The following PRDM1 variants were observed in gnomAD, a reference collection of about 807,000 sequenced individuals.
PRDM1 encodes the protein PR/SET domain 1.
PRDM1 carries 13 observed loss-of-function variants against 62.8 expected under a neutral mutation model. The ratio of observed to expected loss-of-function variants is 0.21; its 90% CI spans 0.13 to 0.33. The LOEUF (loss-of-function observed/expected upper bound fraction) is 0.33, where lower values mean the gene tolerates loss of function less well. PRDM1 is among the 10% of genes least tolerant of loss of function. The pLI is 1.00. For missense variants in PRDM1, 895 were observed against 1,058.8 expected, an observed-to-expected ratio of 0.85 and a Z score of 2.15; for synonymous variants, 396 against 417.6, an observed-to-expected ratio of 0.95 and a Z score of 0.63.
intron 4 of PRDM1, chr6:106,100,579 C>T (rs1774238207): frequency 6.6e-6 from 1 of 152,186 alleles, no homozygotes; most frequent in Admixed American, 6.5e-5. Flanking sequence ...GAATAAATAT[C>T]AATGTTAACA....
intron 4 of PRDM1, 28 bp downstream of exon 4, chr6:106,099,580 A>C: frequency 6.2e-7 from 1 of 1,610,708 alleles, no homozygotes; most frequent in Non-Finnish European, 8.5e-7. Context: ...CAAAAAAATA[A>C]AAAATGCCAG....
At chr6:106,104,462 C>T (rs1313390988) in intron 4 of PRDM1, among the ~76,000 whole-genome samples, 10 of 152,202 alleles carry the variant, frequency 6.6e-5, no homozygotes, top group African/African-American at 1.9e-4. Context: ...CCGCCCACCT[C>T]GGCCTCCCAA....
intron 1 of PRDM1, among the ~76,000 whole-genome samples, chr6:106,006,363 G>C (rs911371701): frequency 2.6e-5 from 4 of 152,166 alleles, no homozygotes; most frequent in Non-Finnish European, 5.9e-5. Flanking sequence ...GTCAAGGAAA[G>C]AAGCAGCTCT....
Position 106,086,453 on chromosome 6 carries a change from A to C in PRDM1, c.-101A>C. On this transcript the variant is annotated 5_prime_UTR_variant, in exon 1 of 7. Coordinates refer to ENST00000369096, the MANE Select transcript of PRDM1 (RefSeq NM_001198.4). Reference sequence around the variant, plus strand: ...ACGCGGGCGCCCGGGCGGCCGGACGAAGCGAGGAGGGACCGCCGAGGTGCG... The same window carrying C: ...ACGCGGGCGCCCGGGCGGCCGGACGCAGCGAGGAGGGACCGCCGAGGTGCG... 1 of 1,226,142 alleles carries C rather than the reference A, an allele frequency of 8.2e-7. No individual in the cohort carries two copies. Among genetic ancestry groups the C allele is most frequent in the Middle Eastern group, 1.9e-4 (1 of 5,178 alleles). The allele number at this position is 1,226,142 out of a possible 1,614,324, so 76.0% of individuals were successfully genotyped here.
chr6:106,073,054 G>C (rs1390045191), intron 1 of PRDM1, among the ~76,000 whole-genome samples: 1 of 151,740 alleles, frequency 6.6e-6, no homozygotes, highest in Non-Finnish European at 1.5e-5. Context: ...TTGTTTGCCT[G>C]TGTGCATATA....
At chr6:106,047,873 A>G (rs1341549796), upstream of PRDM1, among the ~76,000 whole-genome samples, 2 of 152,216 alleles carry the variant, frequency 1.3e-5, no homozygotes, top group African/African-American at 4.8e-5. Context: ...GGAAAAGTGC[A>G]CAGATCTAAA....
chr6:106,015,326 G>A (rs1190628977), intron 1 of PRDM1, among the ~76,000 whole-genome samples: 2 of 152,084 alleles, frequency 1.3e-5, no homozygotes, highest in African/African-American at 4.8e-5. Flanking sequence ...TAGAAAATGA[G>A]CTTCTCTGCA....
intron 1 of PRDM1, among the ~76,000 whole-genome samples, chr6:106,008,423 A>G (rs1241415290): frequency 6.6e-6 from 1 of 152,156 alleles, no homozygotes; most frequent in African/African-American, 2.4e-5. Context: ...ACTTGTGGAA[A>G]TCTTCTCCAT....
At chr6:106,045,444 C>T (rs1179783391), upstream of PRDM1, 1 of 152,038 alleles carries the variant, frequency 6.6e-6, no homozygotes, top group Non-Finnish European at 1.5e-5. Context: ...GGAACTACGC[C>T]CTCATTTATT....
Position 106,058,232 on chromosome 6 carries a change from G to A in PRDM1, c.-67+9518G>A, listed in dbSNP as rs571503133. The stretch of plus-strand genomic sequence containing the variant: ...TTCTCAGAGTTCTGGAGGCTGAGAA[G>A]TCCAAGATCAGGGTCCAGCCAAGTT... On this transcript the variant is annotated intron_variant, in intron 1 of 6. Transcript: ENST00000651185. 2.4e-4 allele frequency among the ~76,000 whole-genome samples: 37 copies of A among 152,320 alleles called. 2 individuals are homozygous for A. In the South Asian group the frequency reaches 7.7e-3, roughly 32 times the overall value.
In PRDM1 at chr6:106,106,877, C is replaced by G; in HGVS notation, c.1903-34C>G. Reference sequence around the variant, plus strand: ...TCTTAATCTTCTGGCCTTCCTGTCTCCCTTCCCTGCTGTCTCTCTCCCCTA... The same window carrying G: ...TCTTAATCTTCTGGCCTTCCTGTCTGCCTTCCCTGCTGTCTCTCTCCCCTA... On this transcript the variant is annotated intron_variant, in intron 6 of 6. Coordinates refer to ENST00000369096, the MANE Select transcript of PRDM1 (RefSeq NM_001198.4). The surrounding 1 kb of genome is among the most constrained non-coding windows in gnomAD (Gnocchi z 4.4). 3 of 1,570,118 alleles carry G rather than the reference C, an allele frequency of 1.9e-6. No homozygotes were observed. The highest frequency in any genetic ancestry group is 2.6e-6 in the Non-Finnish European group (3 of 1,150,942).
At position 106,106,257 on chromosome 6, in the gene PRDM1, A is replaced by G. The variant is rs1774484827; in HGVS notation, c.1774-114A>G. On this transcript the variant is annotated intron_variant, in intron 5 of 6. Coordinates refer to ENST00000369096, the MANE Select transcript of PRDM1 (RefSeq NM_001198.4). This position sits in a 1 kb window ranked among gnomAD's most constrained non-coding sequence, Gnocchi z 4.4. Reference sequence around the variant, plus strand: ...AACATGAAGATTTCTTCTTTTTAAGACTGTCTTGATGCTTTTCTTAAGATA... The same window carrying G: ...AACATGAAGATTTCTTCTTTTTAAGGCTGTCTTGATGCTTTTCTTAAGATA... 2 of 1,427,944 alleles carry G rather than the reference A, an allele frequency of 1.4e-6. No homozygotes were observed. Among genetic ancestry groups the G allele is most frequent in the African/African-American group, 1.4e-5 (1 of 69,760 alleles). 88.5% of individuals were successfully genotyped at this position (1,427,944 alleles called of 1,614,324 possible). A position where few individuals can be genotyped will look rare whatever the true frequency, so the allele number is the denominator to read the frequency against.
At chr6:106,062,937 TA>T (rs1250206015) in intron 1 of PRDM1, among the ~76,000 whole-genome samples, 1 of 152,184 alleles carries the variant, frequency 6.6e-6, no homozygotes, top group Non-Finnish European at 1.5e-5. Flanking sequence ...CAAAAACGCC[TA>T]AATGAAGATA....
chr6:106,034,643 T>C (rs975156540), intron 1 of PRDM1, among the ~76,000 whole-genome samples: 4 of 143,702 alleles, frequency 2.8e-5, no homozygotes, highest in Admixed American at 7.0e-5. Flanking sequence ...CTCTTTTTTT[T>C]TTTTTTTTTT....
At chr6:106,059,263 T>C (rs1773310443) in intron 1 of PRDM1, among the ~76,000 whole-genome samples, 1 of 152,204 alleles carries the variant, frequency 6.6e-6, no homozygotes, top group Non-Finnish European at 1.5e-5. Context: ...AGAAACAGGC[T>C]AGGACACTAT....
chr6:106,087,262 G>A (rs1347719098), intron 1 of PRDM1, among the ~76,000 whole-genome samples: 1 of 152,170 alleles, frequency 6.6e-6, no homozygotes, highest in African/African-American at 2.4e-5. Context: ...AGCAGAGCTT[G>A]TCCTCCAAGT....
intron 1 of PRDM1, among the ~76,000 whole-genome samples, chr6:106,007,570 G>A (rs971724155): frequency 1.2e-4 from 18 of 152,258 alleles, no homozygotes; most frequent in East Asian, 9.7e-4. Context: ...TTGACAACTC[G>A]AAAGTTACAT....
At position 106,106,612 on chromosome 6, in the gene PRDM1, C is replaced by T; in HGVS notation, c.1902+113C>T. ...AAGCCAACACCAGATTCTGCGTTGTCCCATCCTGGACTGATGGCACTATGG... is the reference window on the plus strand; with the variant it reads ...AAGCCAACACCAGATTCTGCGTTGTTCCATCCTGGACTGATGGCACTATGG... On this transcript the variant is annotated intron_variant, in intron 6 of 6. Coordinates refer to ENST00000369096, the MANE Select transcript of PRDM1 (RefSeq NM_001198.4). This position sits in a 1 kb window ranked among gnomAD's most constrained non-coding sequence, Gnocchi z 4.4. 6.9e-7 allele frequency: 1 copy of T among 1,441,592 alleles called. No individual in the cohort carries two copies. Among genetic ancestry groups the T allele is most frequent in the South Asian group, 1.3e-5 (1 of 76,960 alleles). 89.3% of individuals were successfully genotyped at this position (1,441,592 alleles called of 1,614,324 possible). A position where few individuals can be genotyped will look rare whatever the true frequency, so the allele number is the denominator to read the frequency against.
intron 1 of PRDM1, among the ~76,000 whole-genome samples, chr6:106,057,811 C>T (rs541349908): frequency 2.6e-5 from 4 of 152,292 alleles, no homozygotes; most frequent in African/African-American, 9.6e-5. Flanking sequence ...ACCTCTCTTA[C>T]TCCCAGAAAA....
Sources: gnomAD v4.1 joint callset for allele counts (sites outside exome capture counted in the v4.1 genomes callset) on GRCh38, gnomAD v4.1.1 for gene constraint, Gnocchi (gnomAD v3.1) non-coding constraint, MANE v1.5 for transcripts, NCBI Gene and HGNC (gene_info 2026-07-23, HGNC 2026-07-21) for gene names.